Variants in MACO1 observed in about 807,000 individuals in gnomAD.
MACO1 encodes macoilin 1.
Under a neutral mutation model 78.7 loss-of-function variants are expected in MACO1, and 14 were observed. The observed-to-expected ratio is 0.18, with a 90% CI of 0.12 to 0.28. The LOEUF (loss-of-function observed/expected upper bound fraction) is 0.28, where lower values mean the gene tolerates loss of function less well. Among genes scored for constraint, MACO1 ranks in the 10% least tolerant of loss-of-function variants. The pLI is 1.00. For missense variants in MACO1, 501 were observed against 799.0 expected (o/e 0.63, Z 4.50); for synonymous variants, 288 against 291.6 (o/e 0.99, Z 0.12).
chr1:25,447,052 AT>A (rs2043021871), intron 2 of MACO1, 149 bp downstream of exon 2: 3 of 906,340 alleles, frequency 3.3e-6, no homozygotes, highest in African/African-American at 1.7e-5. Context: ...GTCTAAACCC[AT>A]TGATCAAATA....
At chr1:25,466,946 A>G (rs867981820) in intron 6 of MACO1, among the ~76,000 whole-genome samples, 1 of 152,274 alleles carries the variant, frequency 6.6e-6, no homozygotes, top group Middle Eastern at 3.4e-3. Flanking sequence ...ATTCCATGGC[A>G]GGCCAGTGCG....
intron 6 of MACO1, among the ~76,000 whole-genome samples, chr1:25,478,822 G>A (rs1265365580): frequency 2.6e-5 from 4 of 152,250 alleles, no homozygotes; most frequent in Non-Finnish European, 5.9e-5. Context: ...TGTGTCCAAA[G>A]TGGTGATGCC....
intron 6 of MACO1, among the ~76,000 whole-genome samples, chr1:25,463,780 T>G (rs2124590682): frequency 6.6e-6 from 1 of 152,262 alleles, no homozygotes; most frequent in East Asian, 1.9e-4. Flanking sequence ...AAAATTTTGT[T>G]GTCTTCTCTT....
intron 5 of MACO1, among the ~76,000 whole-genome samples, 167 bp from the exon 6 acceptor site, chr1:25,458,224 T>C (rs909995561): frequency 2.0e-5 from 3 of 152,232 alleles, no homozygotes; most frequent in African/African-American, 7.2e-5. Flanking sequence ...TCCTACATCT[T>C]CTAGTAAACT....
intron 6 of MACO1, among the ~76,000 whole-genome samples, chr1:25,459,940 A>G (rs1190761989): frequency 1.6e-4 from 24 of 152,180 alleles, no homozygotes; most frequent in Non-Finnish European, 4.4e-5. Context: ...ATGTAACTCA[A>G]GAGGGCAATT....
rs1227440445 is a variant in MACO1, at chr1:25,456,821, G to A, written c.642G>A (p.Glu214=). The change falls in exon 5 of 11, where the codon GAG becomes GAA. Residue 214 remains glutamate, a synonymous_variant. Coordinates refer to ENST00000374343, the MANE Select transcript of MACO1 (RefSeq NM_018202.6). ...AGATGCTACAGAAGCAAGAAAAAGA[G>A]GCCGAGGAAGGTAGGTCTTTACCCT... ...EQQMLQKQEK[E]AEEAAKGLPD... The A allele has an allele frequency of 6.2e-7, 1 of 1,608,868 alleles. No homozygotes were observed. The highest frequency in any genetic ancestry group is 8.5e-7 in the Non-Finnish European group (1 of 1,178,610).
chr1:25,484,326 C>T, intron 7 of MACO1, 52 bp downstream of exon 7: 1 of 1,515,496 alleles, frequency 6.6e-7, no homozygotes, highest in Non-Finnish European at 8.8e-7. Flanking sequence ...TTCACTGCTT[C>T]TCCTGTTGCC....
chr1:25,491,363 G>A (rs1458965965), intron 9 of MACO1, 47 bp from the exon 10 acceptor site: 2 of 1,607,064 alleles, frequency 1.2e-6, no homozygotes, highest in Admixed American at 1.7e-5. Context: ...TATAGACATC[G>A]ATGCCAAAAC....
chr1:25,436,909 C>T (rs1175112868), intron 1 of MACO1, among the ~76,000 whole-genome samples: 1 of 152,056 alleles, frequency 6.6e-6, no homozygotes, highest in African/African-American at 2.4e-5. Context: ...ATTGTGGCAC[C>T]AAAAATAATG....
At chr1:25,436,554 G>C (rs1357608840) in intron 1 of MACO1, among the ~76,000 whole-genome samples, 1 of 152,042 alleles carries the variant, frequency 6.6e-6, no homozygotes, top group Non-Finnish European at 1.5e-5. Flanking sequence ...TGGCTGTCCA[G>C]CAAGCTGCAT....
chr1:25,480,902 T>C (rs1173101657), intron 6 of MACO1, among the ~76,000 whole-genome samples: 1 of 108,912 alleles, frequency 9.2e-6, no homozygotes, highest in Non-Finnish European at 1.7e-5. Flanking sequence ...GGCAACAGAG[T>C]GAGACTTGGT....
chr1:25,486,415 T>G (rs2043432985), intron 8 of MACO1, among the ~76,000 whole-genome samples: 1 of 152,200 alleles, frequency 6.6e-6, no homozygotes. Flanking sequence ...AACTATTAGA[T>G]AGTTAAGAGC....
intron 6 of MACO1, among the ~76,000 whole-genome samples, chr1:25,475,443 G>A (rs184277987): frequency 6.6e-6 from 1 of 152,106 alleles, no homozygotes; most frequent in Non-Finnish European, 1.5e-5. Flanking sequence ...TGAGCATGGT[G>A]GCTCACGCCT....
In MACO1 at chr1:25,446,410, T is replaced by C. The variant is rs561735942; in HGVS notation, c.81-352T>C. On this transcript the variant is annotated intron_variant, in intron 1 of 10. Coordinates refer to ENST00000374343, the MANE Select transcript of MACO1 (RefSeq NM_018202.6). ...GCCTTTCAACTGTGACATTTTCTTC[T>C]AATGAAAAACAGCTTGAAAGCTGTA... Among the ~76,000 whole-genome samples, 3 of 152,368 alleles carry C rather than the reference T, an allele frequency of 2.0e-5. No individual in the cohort carries two copies. In the East Asian group the frequency reaches 5.8e-4, roughly 29 times the overall value.
Position 25,485,589 on chromosome 1 carries a change from T to C in MACO1, c.1314-24T>C, listed in dbSNP as rs748932929. 1.9e-6 allele frequency: 3 copies of C among 1,602,518 alleles called. No individual in the cohort carries two copies. Among genetic ancestry groups the C allele is most frequent in the East Asian group, 2.2e-5 (1 of 44,796 alleles). ...GTGGGCATTTGTAATTTTAAGACTT[T>C]ATATGACAATCATTTCCATATAGGT... On this transcript the variant is annotated intron_variant, in intron 7 of 10. Coordinates refer to ENST00000374343, the MANE Select transcript of MACO1 (RefSeq NM_018202.6). The surrounding 1 kb of genome is among the most constrained non-coding windows in gnomAD (Gnocchi z 4.3).
chr1:25,478,627 G>A (rs2043343708), intron 6 of MACO1, among the ~76,000 whole-genome samples: 1 of 152,176 alleles, frequency 6.6e-6, no homozygotes, highest in Non-Finnish European at 1.5e-5. Context: ...TAGATAATAG[G>A]ATTCAGAGGT....
chr1:25,483,978 A>C (rs933717974), intron 6 of MACO1, 138 bp from the exon 7 acceptor site: 18 of 776,914 alleles, frequency 2.3e-5, no homozygotes, highest in Non-Finnish European at 3.4e-5. Context: ...TGCAGACAGG[A>C]GTCCTCATCA....
chr1:25,467,973 T>G (rs1027669996), intron 6 of MACO1, among the ~76,000 whole-genome samples: 6 of 152,222 alleles, frequency 3.9e-5, no homozygotes, highest in Non-Finnish European at 2.9e-5. Context: ...GCTTGCTTTT[T>G]CTGCTTTATA....
At chr1:25,488,150 CA>C (rs2043451672) in intron 8 of MACO1, among the ~76,000 whole-genome samples, 1 of 152,214 alleles carries the variant, frequency 6.6e-6, no homozygotes, top group African/African-American at 2.4e-5. Flanking sequence ...CTCCTGGGCT[CA>C]AGTTGTCCTC....
Sources: allele counts gnomAD v4.1 joint callset (sites outside exome capture counted in the v4.1 genomes callset), GRCh38; gene constraint gnomAD v4.1.1; non-coding constraint Gnocchi (gnomAD v3.1); transcripts MANE v1.5; gene names NCBI Gene and HGNC (gene_info 2026-07-23, HGNC 2026-07-21).